Variants in CACNA1G observed in about 807,000 individuals in gnomAD.
CACNA1G encodes calcium voltage-gated channel subunit alpha1 G, also known as voltage-dependent T-type calcium channel subunit alpha-1G.
CACNA1G carries 67 observed loss-of-function variants against 219.4 expected under a neutral mutation model. The ratio of observed to expected loss-of-function variants is 0.31; its 90% CI spans 0.25 to 0.37. The LOEUF is 0.37. CACNA1G is among the 10% of genes least tolerant of loss of function. CACNA1G has a pLI of 1.00. For synonymous variants in CACNA1G, 1,296 were observed against 1,345.3 expected, an observed-to-expected ratio of 0.96 and a Z score of 0.80; for missense variants, 2,380 against 3,231.4, an observed-to-expected ratio of 0.74 and a Z score of 6.39.
rs1421734948 is a variant in CACNA1G at position 50,594,975 on chromosome 17, C to T, written c.2911-18C>T. ...CCTGTGACCAGCAGCCCTCCCCTGC[C>T]TCCCCCTTTCCCTGTAGGAAATCAG... On this transcript the variant is annotated intron_variant, in intron 13 of 37. Transcript: ENST00000359106. 7.1e-6 allele frequency: 11 copies of T among 1,551,124 alleles called. No individual in the cohort carries two copies. In the Admixed American group the frequency reaches 2.2e-4, roughly 30 times the overall value.
intron 9 of CACNA1G, among the ~76,000 whole-genome samples, chr17:50,589,391 G>A (rs1448390611): frequency 6.6e-6 from 1 of 152,172 alleles, no homozygotes; most frequent in Non-Finnish European, 1.5e-5. Context: ...TTGCTGCCTG[G>A]ATAATTTATT....
chr17:50,579,280 G>C (rs1187408879), intron 9 of CACNA1G, among the ~76,000 whole-genome samples: 1 of 152,188 alleles, frequency 6.6e-6, no homozygotes, highest in Admixed American at 6.5e-5. Context: ...CTGTCATGTG[G>C]AAGAGGAAGC....
intron 23 of CACNA1G, among the ~76,000 whole-genome samples, chr17:50,606,686 G>A (rs1025376022): frequency 2.6e-5 from 4 of 152,200 alleles, no homozygotes; most frequent in Non-Finnish European, 4.4e-5. Context: ...GGAGGGCAGA[G>A]GGTGTGACCA....
At position 50,569,800 on chromosome 17, in the gene CACNA1G, C is replaced by T; in HGVS notation, c.583C>T (p.Pro195Ser). 2 of 1,549,186 alleles carry T rather than the reference C, an allele frequency of 1.3e-6. No homozygotes were observed. Residue 195 changes from proline to serine, a missense_variant, in exon 4 of 38, where the codon CCC (proline) becomes TCC (serine). This residue lies in a region of CACNA1G where 56 missense variants were observed against 135.8 expected (regional missense o/e 0.41). Transcript: ENST00000359106. ...LRPLRAINRV[P>S]SMRILVTLLL... The stretch of plus-strand genomic sequence containing the variant: ...ACCGCTCAGGGCCATTAACCGGGTG[C>T]CCAGTGAGTGACCCCTCAGCCCTCA...
At chr17:50,597,573 G>A (rs1275521789) in intron 16 of CACNA1G, among the ~76,000 whole-genome samples, 2 of 152,120 alleles carry the variant, frequency 1.3e-5, no homozygotes, top group Non-Finnish European at 2.9e-5. Flanking sequence ...CATACATTAT[G>A]GGATGATTAC....
At chr17:50,616,654 G>A (rs926429246) in intron 28 of CACNA1G, among the ~76,000 whole-genome samples, 1 of 152,152 alleles carries the variant, frequency 6.6e-6, no homozygotes, top group African/African-American at 2.4e-5. Flanking sequence ...GGGCTTAAGA[G>A]CACAGAGCCT....
At chr17:50,568,826 C>A in intron 1 of CACNA1G, 44 bp from the exon 2 acceptor site, 1 of 1,529,702 alleles carries the variant, frequency 6.5e-7, no homozygotes, top group Non-Finnish European at 9.0e-7. Flanking sequence ...GGGGGGCCGG[C>A]CTCAGCTCCA....
At chr17:50,562,676 A>G (rs1005719023) in intron 1 of CACNA1G, among the ~76,000 whole-genome samples, 1 of 152,188 alleles carries the variant, frequency 6.6e-6, no homozygotes, top group Non-Finnish European at 1.5e-5. Context: ...GGGGGACTGC[A>G]GGCCCGCGAA....
intron 35 of CACNA1G, among the ~76,000 whole-genome samples, chr17:50,622,683 GGGTCACAGA>G (rs1436130227): frequency 3.3e-5 from 5 of 152,172 alleles, no homozygotes; most frequent in Admixed American, 6.5e-5. Flanking sequence ...AGGGGGAAGG[GGGTCACAGA>G]GTGATGGAGA....
intron 6 of CACNA1G, 37 bp downstream of exon 6, chr17:50,572,891 A>T: frequency 6.3e-7 from 1 of 1,599,312 alleles, no homozygotes; most frequent in Non-Finnish European, 8.5e-7. Flanking sequence ...TCCCCAGAAC[A>T]CCAGCCCCAG....
intron 35 of CACNA1G, among the ~76,000 whole-genome samples, chr17:50,622,599 G>C (rs970080785): frequency 5.9e-5 from 9 of 152,116 alleles, no homozygotes; most frequent in Non-Finnish European, 1.3e-4. Flanking sequence ...GGCCTGCTGG[G>C]GCTATTTAAC....
chr17:50,606,452 A>G, intron 23 of CACNA1G: 1 of 589,026 alleles, frequency 1.7e-6, no homozygotes. Context: ...GTCATAATAG[A>G]ATCTCCTCGG....
chr17:50,580,914 G>T (rs999580417), intron 9 of CACNA1G, among the ~76,000 whole-genome samples: 1 of 152,154 alleles, frequency 6.6e-6, no homozygotes, highest in African/African-American at 2.4e-5. Context: ...CTGGGCCCTG[G>T]AGCCTGAGCA....
chr17:50,601,831 T>C (rs1397436797), intron 19 of CACNA1G, among the ~76,000 whole-genome samples: 1 of 152,154 alleles, frequency 6.6e-6, no homozygotes, highest in Non-Finnish European at 1.5e-5. Context: ...TGGTTGTGTT[T>C]CCGCTCACGG....
Position 50,619,663 on chromosome 17 carries a change from C to G in CACNA1G, c.5782-20C>G. The G allele has an allele frequency of 6.2e-7, 1 of 1,604,522 alleles. No individual in the cohort carries two copies. The highest frequency in any genetic ancestry group is 2.2e-5 in the East Asian group (1 of 44,654). On this transcript the variant is annotated intron_variant, in intron 33 of 37. Transcript: ENST00000359106. ...CTGCTCCCCTGCCTCTCCGGCTCCC[C>G]TTACGGGCTGGCTCCCCAGGACAGG...
intron 28 of CACNA1G, among the ~76,000 whole-genome samples, chr17:50,616,705 C>A (rs2050678117): frequency 6.6e-6 from 1 of 152,202 alleles, no homozygotes. Context: ...CCTGGTCTCA[C>A]CACTTAGTAG....
At chr17:50,570,215 G>A (rs1041485780) in intron 4 of CACNA1G, among the ~76,000 whole-genome samples, 3 of 152,138 alleles carry the variant, frequency 2.0e-5, no homozygotes, top group African/African-American at 4.8e-5. Context: ...CGCTGGCCAC[G>A]CTGAACGTGA....
chr17:50,605,424 C>CAG (rs1473722644), intron 22 of CACNA1G, among the ~76,000 whole-genome samples: 1 of 152,152 alleles, frequency 6.6e-6, no homozygotes, highest in Non-Finnish European at 1.5e-5. Context: ...CTCCCCCACC[C>CAG]AGAGCTGCTG....
In CACNA1G at chr17:50,576,062, C is replaced by A. The variant is rs1258309512; in HGVS notation, c.1660C>A (p.His554Asn). ...GAPPGGAESV[H>N]SFYHADCHLE... ...CCCCCCTGGTGGCGCAGAGTCTGTG[C>A]ACAGCTTCTACCATGCCGACTGCCA... The change falls in exon 8 of 38, where the codon CAC becomes AAC. Residue 554 changes from histidine (H) to asparagine (N), a missense_variant. Physicochemically the swap from His to Asn is moderately conservative, Grantham distance 68. This residue lies in a region of CACNA1G where 434 missense variants were observed against 417.3 expected (regional missense o/e 1.04). Transcript: ENST00000359106. 1.9e-6 allele frequency: 3 copies of A among 1,583,314 alleles called. No homozygotes were observed. The highest frequency in any genetic ancestry group is 2.6e-6 in the Non-Finnish European group (3 of 1,166,050).
Sources: allele counts gnomAD v4.1 joint callset (sites outside exome capture counted in the v4.1 genomes callset), GRCh38; gene constraint gnomAD v4.1.1; regional missense constraint gnomAD v4.1.1; transcripts MANE v1.5; gene names NCBI Gene and HGNC (gene_info 2026-07-23, HGNC 2026-07-21).